ALOX5AP: variants seen among roughly 807,000 people sequenced by gnomAD.
The protein encoded by ALOX5AP is arachidonate 5-lipoxygenase-activating protein.
In ALOX5AP, 9 loss-of-function variants were observed where a neutral mutation model predicts 18.5. The ratio of observed to expected loss-of-function variants is 0.49; its 90% CI spans 0.29 to 0.85. The LOEUF (loss-of-function observed/expected upper bound fraction) is 0.85. Ranked by LOEUF, ALOX5AP falls within the 40% of genes least tolerant of loss-of-function variation. The pLI is 0.08. For synonymous variants in ALOX5AP, 81 were observed against 78.6 expected (o/e 1.03, Z -0.16); for missense variants, 172 against 202.5 (o/e 0.85, Z 0.91).
chr13:30,752,748 G>A (rs866870569), intron 3 of ALOX5AP, among the ~76,000 whole-genome samples: 42 of 152,356 alleles, frequency 2.8e-4, no homozygotes, highest in South Asian at 4.1e-4. Context: ...TGGCCCTGGA[G>A]GGCACAGGCA....
At chr13:30,758,251 C>T (rs772881049) in intron 4 of ALOX5AP, among the ~76,000 whole-genome samples, 15 of 152,184 alleles carry the variant, frequency 9.9e-5, no homozygotes, top group East Asian at 1.9e-4. Context: ...TCAACCCTGC[C>T]GTCTAGAAGC....
Position 30,764,187 on chromosome 13 carries a change from G to T in ALOX5AP, c.*81G>T. On this transcript the variant is annotated 3_prime_UTR_variant, in exon 5 of 5. Transcript: ENST00000380490. ...ATAATTCAGCTCTTGAGAGCATTCT[G>T]CTCTTCTTTAGATGGCTGTAAATCT... is the stretch of plus-strand genomic sequence containing the variant. 2 of 1,452,640 alleles carry T rather than the reference G, an allele frequency of 1.4e-6. No homozygotes were observed. Among genetic ancestry groups the T allele is most frequent in the East Asian group, 2.4e-5 (1 of 42,402 alleles). The allele number at this position is 1,452,640 out of a possible 1,614,324, so 90.0% of individuals were successfully genotyped here.
At chr13:30,760,578 G>T (rs1458424628) in intron 4 of ALOX5AP, among the ~76,000 whole-genome samples, 3 of 152,320 alleles carry the variant, frequency 2.0e-5, no homozygotes, top group African/African-American at 7.2e-5. Context: ...CCAAATCCTG[G>T]TCTCCGAAGT....
upstream of ALOX5AP, among the ~76,000 whole-genome samples, chr13:30,734,137 C>A (rs1951702827): frequency 6.6e-6 from 1 of 152,180 alleles, no homozygotes; most frequent in Non-Finnish European, 1.5e-5. Context: ...GGTTCAGTTT[C>A]TCTGGAGAGC....
chr13:30,756,252 G>T (rs1951892911), intron 4 of ALOX5AP, among the ~76,000 whole-genome samples: 1 of 152,124 alleles, frequency 6.6e-6, no homozygotes, highest in East Asian at 1.9e-4. Flanking sequence ...CAATTCCTCC[G>T]CATGGTGCTG....
intron 1 of ALOX5AP, among the ~76,000 whole-genome samples, chr13:30,722,813 A>G (rs1245985586): frequency 6.6e-6 from 1 of 152,184 alleles, no homozygotes; most frequent in Admixed American, 6.5e-5. Context: ...ACTGATTGTT[A>G]AAAGAGCTTG....
At chr13:30,733,002 A>T (rs1056811692), upstream of ALOX5AP, among the ~76,000 whole-genome samples, 14 of 151,834 alleles carry the variant, frequency 9.2e-5, no homozygotes, top group East Asian at 1.9e-4. Flanking sequence ...TAAAAAATAT[A>T]AAAAAAATTA....
intron 1 of ALOX5AP, among the ~76,000 whole-genome samples, chr13:30,726,719 A>G (rs534640638): frequency 5.3e-5 from 8 of 152,248 alleles, no homozygotes; most frequent in African/African-American, 1.9e-4. Context: ...ATTTTTTGAG[A>G]TGAGCTCTCG....
At position 30,748,869 on chromosome 13, in the gene ALOX5AP, G is replaced by A. The variant is rs558022105; in HGVS notation, c.171-3183G>A. ...GCCCATAAGAGGCAGCCATGGCATTGGGCCCAGACCATGTGAACTTCAAAG... is the reference window on the plus strand; with the variant it reads ...GCCCATAAGAGGCAGCCATGGCATTAGGCCCAGACCATGTGAACTTCAAAG... On this transcript the variant is annotated intron_variant, in intron 2 of 4. Transcript: ENST00000380490. Among the ~76,000 whole-genome samples, 17 of 152,344 alleles carry A rather than the reference G, an allele frequency of 1.1e-4. No homozygotes were observed. The South Asian group carries it at 3.3e-3, about 30-fold the overall frequency.
intron 1 of ALOX5AP, among the ~76,000 whole-genome samples, chr13:30,735,916 G>A (rs1951717048): frequency 6.6e-6 from 1 of 152,166 alleles, no homozygotes; most frequent in South Asian, 2.1e-4. Flanking sequence ...TTTAGAGCCA[G>A]GGCTGCAACT....
intron 1 of ALOX5AP, among the ~76,000 whole-genome samples, chr13:30,719,897 C>G (rs1236273087): frequency 1.3e-5 from 2 of 150,314 alleles, no homozygotes; most frequent in South Asian, 2.1e-4. Context: ...GAGTCTTGCT[C>G]TGTCACTAGG....
intron 1 of ALOX5AP, among the ~76,000 whole-genome samples, chr13:30,722,801 G>A (rs4617690): frequency 0.13 from 20,151 of 152,180 alleles, 1,361 homozygotes; most frequent in South Asian, 0.21. Context: ...GTTCCTGCAA[G>A]AACTGATTGT....
At chr13:30,740,272 A>G (rs1951752546) in intron 1 of ALOX5AP, among the ~76,000 whole-genome samples, 1 of 152,178 alleles carries the variant, frequency 6.6e-6, no homozygotes, top group Non-Finnish European at 1.5e-5. Flanking sequence ...AAATCTCAAG[A>G]TCTCTTTATG....
intron 2 of ALOX5AP, among the ~76,000 whole-genome samples, chr13:30,750,158 G>A (rs544583586): frequency 9.9e-5 from 15 of 152,158 alleles, no homozygotes; most frequent in South Asian, 6.2e-4. Flanking sequence ...TGCTGCTGCC[G>A]CCTCTGGTCC....
intron 4 of ALOX5AP, among the ~76,000 whole-genome samples, chr13:30,761,925 T>C (rs1050820394): frequency 1.3e-5 from 2 of 152,230 alleles, no homozygotes; most frequent in African/African-American, 2.4e-5. Flanking sequence ...ATTCAACATA[T>C]GAATTTTGGA....
At chr13:30,719,525 C>T (rs1049189181) in intron 1 of ALOX5AP, among the ~76,000 whole-genome samples, 1 of 152,218 alleles carries the variant, frequency 6.6e-6, no homozygotes, top group Non-Finnish European at 1.5e-5. Flanking sequence ...TGCTTATTAT[C>T]TGCTCTAGGT....
Position 30,721,066 on chromosome 13 carries a change from T to G in ALOX5AP, c.116+7225T>G, listed in dbSNP as rs1951589716. Among the ~76,000 whole-genome samples, 2 of 152,310 alleles carry G rather than the reference T, an allele frequency of 1.3e-5. 1 individual carries two copies. Among genetic ancestry groups the G allele is most frequent in the Admixed American group, 1.3e-4 (2 of 15,300 alleles). On this transcript the variant is annotated intron_variant, in intron 1 of 5. Transcript: ENST00000617770. ...GGGGGAAATGGAGCTTGTCATTCAG[T>G]TCTCCAGCCATTGCACAGGGTTCAT...
intron 1 of ALOX5AP, among the ~76,000 whole-genome samples, chr13:30,742,869 C>T (rs1472682663): frequency 8.2e-6 from 1 of 121,222 alleles, no homozygotes; most frequent in Non-Finnish European, 1.8e-5. Context: ...GCCCCCCCCC[C>T]ACCCCCCATC....
chr13:30,717,379 G>C (rs1366415259), intron 1 of ALOX5AP, among the ~76,000 whole-genome samples: 1 of 152,204 alleles, frequency 6.6e-6, no homozygotes, highest in South Asian at 2.1e-4. Context: ...GTGGACACTA[G>C]CTGGTGTCCT....
Sources: allele counts gnomAD v4.1 joint callset (sites outside exome capture counted in the v4.1 genomes callset), GRCh38; gene constraint gnomAD v4.1.1; transcripts MANE v1.5; gene names NCBI Gene and HGNC (gene_info 2026-07-23, HGNC 2026-07-21).